NAV2: variants seen among roughly 807,000 people sequenced by gnomAD.
NAV2 encodes the protein helicase, APC down-regulated 1.
NAV2 carries 54 observed loss-of-function variants against 223.2 expected under a neutral mutation model. That is an observed-to-expected ratio of 0.24 (90% confidence interval 0.19 to 0.30). The LOEUF (loss-of-function observed/expected upper bound fraction) is 0.30, where lower values mean the gene tolerates loss of function less well. Among genes scored for constraint, NAV2 ranks in the 10% least tolerant of loss-of-function variants. NAV2 has a pLI of 1.00. For missense variants in NAV2, 2,806 were observed against 3,147.5 expected (o/e 0.89, Z 2.60); for synonymous variants, 1,279 against 1,239.3 (o/e 1.03, Z -0.67).
intron 1 of NAV2, among the ~76,000 whole-genome samples, chr11:19,462,830 G>A (rs558873786): frequency 2.6e-4 from 39 of 152,260 alleles, no homozygotes; most frequent in Non-Finnish European, 4.3e-4. Flanking sequence ...GTCTTGATAC[G>A]TGCGTGCTAG....
intron 1 of NAV2, among the ~76,000 whole-genome samples, chr11:19,532,562 A>G (rs1011272718): frequency 6.6e-6 from 1 of 152,174 alleles, no homozygotes; most frequent in Non-Finnish European, 1.5e-5. Flanking sequence ...ATAATCACTA[A>G]TCATCATAAA....
rs139229196 is a variant in NAV2, at chr11:19,380,173, C to T, written c.75+29146C>T. ...TTATGCAAAGAAATAAAACTAATAG[C>T]GTATATCTTCTCTCTACTCTGGCAA... On this transcript the variant is annotated intron_variant, in intron 1 of 37. Coordinates refer to the NAV2 transcript ENST00000360655. Among the ~76,000 whole-genome samples the T allele has an allele frequency of 5.5e-4, 84 of 152,180 alleles. No individual in the cohort carries two copies. The East Asian group carries it at 0.014, about 24-fold the overall frequency.
chr11:19,425,642 G>T (rs10741773), intron 1 of NAV2, among the ~76,000 whole-genome samples: 46,302 of 152,054 alleles, frequency 0.3, 7,590 homozygotes, highest in South Asian at 0.44. Context: ...CAATGGAAAG[G>T]TTCAGTGCAA....
intron 4 of NAV2, among the ~76,000 whole-genome samples, chr11:19,874,903 T>C (rs542532020): frequency 1.3e-5 from 2 of 152,360 alleles, no homozygotes; most frequent in East Asian, 3.9e-4. Context: ...ACGCCTTTAA[T>C]CCCAGCACTT....
chr11:19,908,747 A>C (rs771402650), intron 6 of NAV2, among the ~76,000 whole-genome samples: 11 of 152,218 alleles, frequency 7.2e-5, no homozygotes, highest in Non-Finnish European at 1.6e-4. Flanking sequence ...GTCATTAAAA[A>C]AATGTCATTC....
intron 1 of NAV2, among the ~76,000 whole-genome samples, chr11:19,355,997 G>A (rs113140690): frequency 1.5e-4 from 23 of 152,350 alleles, no homozygotes; most frequent in Admixed American, 5.2e-4. Context: ...GAGCTGAAAT[G>A]CTTGTTTCCT....
chr11:19,472,435 GA>G (rs1451936607), intron 1 of NAV2, among the ~76,000 whole-genome samples: 2 of 152,064 alleles, frequency 1.3e-5, no homozygotes, highest in African/African-American at 4.8e-5. Flanking sequence ...TGCCTAGAAC[GA>G]TACCAATAAT....
chr11:19,917,684 C>T (rs1413442697), intron 6 of NAV2, among the ~76,000 whole-genome samples: 2 of 152,242 alleles, frequency 1.3e-5, no homozygotes, highest in Non-Finnish European at 2.9e-5. Context: ...ACGATCTCAG[C>T]TCACTGCAAC....
intron 2 of NAV2, among the ~76,000 whole-genome samples, chr11:19,841,893 C>T (rs2060533079): frequency 6.6e-6 from 1 of 152,218 alleles, no homozygotes; most frequent in Admixed American, 6.5e-5. Flanking sequence ...ATTTTACTGG[C>T]ATCATCTAAT....
intron 11 of NAV2, among the ~76,000 whole-genome samples, chr11:19,993,689 T>C (rs1378993022): frequency 6.6e-6 from 1 of 152,200 alleles, no homozygotes; most frequent in Non-Finnish European, 1.5e-5. Flanking sequence ...ACATGGCCTC[T>C]GGTAGCTCCT....
intron 1 of NAV2, among the ~76,000 whole-genome samples, chr11:19,467,106 A>G (rs1852395022): frequency 1.3e-5 from 2 of 152,192 alleles, no homozygotes; most frequent in Admixed American, 1.3e-4. Flanking sequence ...CATTACATGT[A>G]CATGTATAAT....
At chr11:19,355,467 G>A (rs1277168034) in intron 1 of NAV2, among the ~76,000 whole-genome samples, 1 of 152,096 alleles carries the variant, frequency 6.6e-6, no homozygotes, top group Admixed American at 6.5e-5. Flanking sequence ...CCTTCAAAGG[G>A]TAATATACTA....
At chr11:19,648,181 A>G (rs1285670722) in intron 1 of NAV2, among the ~76,000 whole-genome samples, 8 of 152,204 alleles carry the variant, frequency 5.3e-5, no homozygotes, top group African/African-American at 1.9e-4. Context: ...TATATTAAAA[A>G]CGAAGGTAAT....
chr11:19,916,731 C>T (rs2043840272), intron 6 of NAV2, among the ~76,000 whole-genome samples: 1 of 152,168 alleles, frequency 6.6e-6, no homozygotes, highest in African/African-American at 2.4e-5. Context: ...ACTTCGAGGG[C>T]CATGGGGTCT....
rs2058748566 is a variant in NAV2 at position 20,062,181 on chromosome 11, T to C, written c.4832-126T>C. Reference sequence around the variant, plus strand: ...CCTATCGCCAAACCAGGAAAGGTTGTGTCAAGGTGAGATTAAGTCATTCCA... The same window carrying C: ...CCTATCGCCAAACCAGGAAAGGTTGCGTCAAGGTGAGATTAAGTCATTCCA... On this transcript the variant is annotated intron_variant, in intron 19 of 37. Coordinates refer to ENST00000349880, the MANE Select transcript of NAV2 (RefSeq NM_145117.5). 3 of 571,626 alleles carry C rather than the reference T, an allele frequency of 5.2e-6. No individual in the cohort carries two copies. The Admixed American group carries it at 1.0e-4, about 20-fold the overall frequency. 35.4% of individuals were successfully genotyped at this position (571,626 alleles called of 1,614,324 possible). A position where few individuals can be genotyped will look rare whatever the true frequency, so the allele number is the denominator to read the frequency against.
chr11:19,854,251 G>A (rs1056744499), intron 3 of NAV2, among the ~76,000 whole-genome samples: 1 of 152,092 alleles, frequency 6.6e-6, no homozygotes, highest in Non-Finnish European at 1.5e-5. Flanking sequence ...GCCGTGAAGT[G>A]GAACTTAGCA....
At chr11:19,559,539 C>T (rs1179920241) in intron 1 of NAV2, among the ~76,000 whole-genome samples, 1 of 152,196 alleles carries the variant, frequency 6.6e-6, no homozygotes, top group Non-Finnish European at 1.5e-5. Context: ...ATTTGAACTT[C>T]ATTTGTTCAG....
Position 19,821,090 on chromosome 11 carries a change from G to A in NAV2, c.268-11394G>A, listed in dbSNP as rs189327050. On this transcript the variant is annotated intron_variant, in intron 1 of 37. Coordinates refer to ENST00000349880, the MANE Select transcript of NAV2 (RefSeq NM_145117.5). ...ATCCTGGCTAACACGGTGAAACCCC[G>A]TCTCTACTAAAAATATAAAAAATTA... is the stretch of plus-strand genomic sequence containing the variant. 4.6e-3 allele frequency among the ~76,000 whole-genome samples: 703 copies of A among 152,088 alleles called. 10 individuals carry two copies. The highest frequency in any genetic ancestry group is 0.044 in the Middle Eastern group (13 of 294).
chr11:19,720,387 T>A (rs1469449783), intron 1 of NAV2, among the ~76,000 whole-genome samples: 1 of 152,206 alleles, frequency 6.6e-6, no homozygotes, highest in Non-Finnish European at 1.5e-5. Context: ...ACTCATGGCT[T>A]AGTGCCCCCT....
Sources: gnomAD v4.1 joint callset for allele counts (sites outside exome capture counted in the v4.1 genomes callset) on GRCh38, gnomAD v4.1.1 for gene constraint, MANE v1.5 for transcripts, NCBI Gene and HGNC (gene_info 2026-07-23, HGNC 2026-07-21) for gene names.